The following RBPJ variants were observed in gnomAD, a reference collection of about 807,000 sequenced individuals.
RBPJ encodes the protein recombination signal binding protein for immunoglobulin kappa J region.
In RBPJ, 9 loss-of-function variants were observed where a neutral mutation model predicts 67.8. The observed-to-expected ratio is 0.13, with a 90% confidence interval of 0.08 to 0.23. RBPJ has a LOEUF of 0.23. Ranked by LOEUF, RBPJ falls within the 10% of genes least tolerant of loss-of-function variation. The pLI is 1.00. For synonymous variants in RBPJ, 198 were observed against 203.3 expected, an observed-to-expected ratio of 0.97 and a Z score of 0.22; for missense variants, 305 against 595.6, an observed-to-expected ratio of 0.51 and a Z score of 5.08.
At chr4:26,221,937 CG>C (rs904154638) in intron 1 of RBPJ, among the ~76,000 whole-genome samples, 32 of 152,010 alleles carry the variant, frequency 2.1e-4, no homozygotes, top group African/African-American at 7.5e-4. Context: ...ACTGGCAGGG[CG>C]GTGAGAGGGA....
At chr4:26,374,834 G>A (rs1729542589) in intron 1 of RBPJ, among the ~76,000 whole-genome samples, 1 of 152,138 alleles carries the variant, frequency 6.6e-6, no homozygotes, top group Non-Finnish European at 1.5e-5. Flanking sequence ...CTAATGCAGA[G>A]TACGTGGAAA....
chr4:26,349,149 C>T (rs1024917207), intron 1 of RBPJ, among the ~76,000 whole-genome samples: 1 of 152,010 alleles, frequency 6.6e-6, no homozygotes, highest in Non-Finnish European at 1.5e-5. Context: ...CTCACTGCAG[C>T]CTTGACCCCG....
chr4:26,332,983 C>T (rs1042299677), intron 1 of RBPJ, among the ~76,000 whole-genome samples: 9 of 152,118 alleles, frequency 5.9e-5, no homozygotes, highest in Non-Finnish European at 1.3e-4. Flanking sequence ...GTAAAGTGAG[C>T]CACTATAGTC....
chr4:26,322,132 G>C (rs1051242886), intron 1 of RBPJ: 2 of 152,612 alleles, frequency 1.3e-5, no homozygotes, highest in African/African-American at 4.8e-5. Context: ...TCCTGACGGC[G>C]TAGGCCAAGG....
At chr4:26,364,625 C>CTT (rs932946481) in intron 1 of RBPJ, among the ~76,000 whole-genome samples, 13 of 105,514 alleles carry the variant, frequency 1.2e-4, no homozygotes, top group East Asian at 1.0e-3. Context: ...TTTTCATTTT[C>CTT]TTTTTTTTTT....
At chr4:26,306,412 G>A (rs1722240061) in intron 1 of RBPJ, among the ~76,000 whole-genome samples, 1 of 150,494 alleles carries the variant, frequency 6.6e-6, no homozygotes, top group Admixed American at 6.6e-5. Context: ...GTATTGGTCT[G>A]TAGTTTTCTT....
chr4:26,297,030 C>T (rs1283837083), intron 1 of RBPJ, among the ~76,000 whole-genome samples: 2 of 152,196 alleles, frequency 1.3e-5, no homozygotes, highest in East Asian at 1.9e-4. Context: ...CACGGTAGTT[C>T]ATGTCTGTAA....
At chr4:26,268,078 C>G (rs1720761918) in intron 1 of RBPJ, among the ~76,000 whole-genome samples, 1 of 151,986 alleles carries the variant, frequency 6.6e-6, no homozygotes, top group Non-Finnish European at 1.5e-5. Flanking sequence ...TTTAGCAAAT[C>G]TAAATTTCCT....
intron 1 of RBPJ, among the ~76,000 whole-genome samples, chr4:26,248,309 CAAT>C (rs1719994323): frequency 6.6e-6 from 1 of 152,228 alleles, no homozygotes; most frequent in African/African-American, 2.4e-5. Flanking sequence ...ATCAATCAAT[CAAT>C]AAAATATACC....
intron 1 of RBPJ, among the ~76,000 whole-genome samples, chr4:26,325,458 G>T (rs2109337442): frequency 6.6e-6 from 1 of 152,302 alleles, no homozygotes; most frequent in Non-Finnish European, 1.5e-5. Flanking sequence ...TGTTTAATCT[G>T]AACTGGGTTC....
chr4:26,375,186 C>T lies in RBPJ; in HGVS notation c.21-11167C>T, dbSNP rs1729579948. Among the ~76,000 whole-genome samples, 3 of 151,330 alleles carry T rather than the reference C, an allele frequency of 2.0e-5. No individual in the cohort carries two copies. The Admixed American group carries it at 2.0e-4, about 10-fold the overall frequency. On this transcript the variant is annotated intron_variant, in intron 1 of 10. Coordinates refer to ENST00000355476, the MANE Select transcript of RBPJ (RefSeq NM_015874.6). ...GGCCATGGTGGCTCGCACCTGTGGT[C>T]CTAGCTACTGGGGAGTAGGATCACT...
the RBPJ span, among the ~76,000 whole-genome samples, chr4:26,134,513 G>A: frequency 6.6e-6 from 1 of 152,220 alleles, no homozygotes; most frequent in East Asian, 1.9e-4. Context: ...GGAGAGTTCA[G>A]TGGTTAATAA....
intron 1 of RBPJ, among the ~76,000 whole-genome samples, chr4:26,283,027 T>G (rs1285314752): frequency 7.0e-6 from 1 of 142,158 alleles, no homozygotes; most frequent in Non-Finnish European, 1.5e-5. Context: ...TCCTCCCGGG[T>G]TCACACCATT....
chr4:26,259,108 T>A (rs1010392445), intron 1 of RBPJ, among the ~76,000 whole-genome samples: 1 of 152,022 alleles, frequency 6.6e-6, no homozygotes, highest in African/African-American at 2.4e-5. Flanking sequence ...GGCCTAAACA[T>A]TTTTTTAAGA....
Position 26,349,046 on chromosome 4 carries a change from C to A in RBPJ, c.20+27998C>A, listed in dbSNP as rs192607339. Among the ~76,000 whole-genome samples the A allele has an allele frequency of 3.7e-3, 567 of 151,474 alleles. 3 individuals are homozygous for A. Among genetic ancestry groups the A allele is most frequent in the Non-Finnish European group, 5.6e-3 (381 of 67,894 alleles). ...TAAAGATGTTTTTAAAAGTTAATGG[C>A]AGGAACTCATTTTATCATCACAAGT... On this transcript the variant is annotated intron_variant, in intron 1 of 10. Coordinates refer to ENST00000355476, the MANE Select transcript of RBPJ (RefSeq NM_015874.6).
intron 1 of RBPJ, among the ~76,000 whole-genome samples, chr4:26,308,152 T>C (rs995715509): frequency 2.0e-5 from 3 of 152,088 alleles, no homozygotes; most frequent in Non-Finnish European, 4.4e-5. Flanking sequence ...GGCGGGCGCC[T>C]GTAGTCCCAG....
chr4:26,284,572 G>A (rs1049243356), intron 1 of RBPJ, among the ~76,000 whole-genome samples: 14 of 151,940 alleles, frequency 9.2e-5, no homozygotes, highest in African/African-American at 3.4e-4. Flanking sequence ...GGATTCAAGC[G>A]ATTCTCCTAC....
chr4:26,427,816 A>C (rs61550854), intron 7 of RBPJ, among the ~76,000 whole-genome samples: 1 of 152,144 alleles, frequency 6.6e-6, no homozygotes, highest in East Asian at 1.9e-4. Context: ...GAGATGAGAG[A>C]TAGTTATGTT....
the RBPJ span, among the ~76,000 whole-genome samples, chr4:26,144,085 T>A: frequency 6.6e-6 from 1 of 152,154 alleles, no homozygotes; most frequent in African/African-American, 2.4e-5. Flanking sequence ...AATAAAAATA[T>A]TTTTTAGTGT....
Sources: gnomAD v4.1 joint callset for allele counts (sites outside exome capture counted in the v4.1 genomes callset) on GRCh38, gnomAD v4.1.1 for gene constraint, MANE v1.5 for transcripts, NCBI Gene and HGNC (gene_info 2026-07-23, HGNC 2026-07-21) for gene names.